The following SLC1A1 variants were observed in gnomAD, a reference collection of about 807,000 sequenced individuals.
SLC1A1 encodes the protein excitatory amino acid transporter 3.
In SLC1A1, 43 loss-of-function variants were observed where a neutral mutation model predicts 53.3. That is an observed-to-expected ratio of 0.81 (90% CI 0.63 to 1.04). The LOEUF is 1.04. SLC1A1 is among the 50% of genes least tolerant of loss of function. The pLI is 0.00. For synonymous variants in SLC1A1, 307 were observed against 243.2 expected, an observed-to-expected ratio of 1.26 and a Z score of -2.44; for missense variants, 748 against 664.9, an observed-to-expected ratio of 1.12 and a Z score of -1.37.
intron 8 of SLC1A1, 75 bp downstream of exon 8, chr9:4,574,089 G>A: frequency 9.7e-7 from 1 of 1,028,104 alleles, no homozygotes. Context: ...TTGGGTTTCA[G>A]TTGGTTAAAA....
chr9:4,494,877 C>T (rs1820359335), intron 1 of SLC1A1, among the ~76,000 whole-genome samples: 1 of 152,222 alleles, frequency 6.6e-6, no homozygotes, highest in African/African-American at 2.4e-5. Flanking sequence ...CCAGTTATGC[C>T]ATTACTTCTG....
chr9:4,567,321 T>G (rs1371096393), intron 5 of SLC1A1, among the ~76,000 whole-genome samples: 1 of 152,246 alleles, frequency 6.6e-6, no homozygotes, highest in African/African-American at 2.4e-5. Context: ...ACAAAAATGA[T>G]TGACAGGAAT....
intron 1 of SLC1A1, among the ~76,000 whole-genome samples, chr9:4,533,022 T>A (rs1320345388): frequency 1.3e-5 from 2 of 152,168 alleles, no homozygotes; most frequent in Non-Finnish European, 2.9e-5. Flanking sequence ...CTGAGAGATT[T>A]TGTCACCACT....
chr9:4,497,539 G>T (rs1445727530), intron 1 of SLC1A1, among the ~76,000 whole-genome samples: 2 of 152,124 alleles, frequency 1.3e-5, no homozygotes, highest in Non-Finnish European at 2.9e-5. Context: ...GTAAAATGTT[G>T]TCCTTGTTTG....
chr9:4,567,321 T>C (rs1371096393), intron 5 of SLC1A1, among the ~76,000 whole-genome samples: 1 of 152,246 alleles, frequency 6.6e-6, no homozygotes, highest in Non-Finnish European at 1.5e-5. Context: ...ACAAAAATGA[T>C]TGACAGGAAT....
chr9:4,564,110 C>T (rs1055796196), intron 3 of SLC1A1, among the ~76,000 whole-genome samples: 18 of 152,138 alleles, frequency 1.2e-4, no homozygotes, highest in African/African-American at 4.3e-4. Flanking sequence ...CACACACAGA[C>T]GCACACGCAC....
chr9:4,536,348 GA>G (rs966835653), intron 1 of SLC1A1, among the ~76,000 whole-genome samples: 2 of 126,752 alleles, frequency 1.6e-5, no homozygotes, highest in Non-Finnish European at 3.6e-5. Context: ...AAATCTACAA[GA>G]AAAAAAAACA....
Position 4,587,217 on chromosome 9 carries a change from C to T in SLC1A1, c.*1659C>T, listed in dbSNP as rs556194672. 6.6e-6 allele frequency: 1 copy of T among 152,414 alleles called. No individual in the cohort carries two copies. The highest frequency in any genetic ancestry group is 2.1e-4 in the South Asian group (1 of 4,806). The allele number at this position is 152,414 out of a possible 1,614,324, so 9.4% of individuals were successfully genotyped here. Reference sequence around the variant, plus strand: ...ATGATTCAATGTGAATTTTAAAATGCAAATATTGCTATTGTTTATAGGAAA... The same window carrying T: ...ATGATTCAATGTGAATTTTAAAATGTAAATATTGCTATTGTTTATAGGAAA... On this transcript the variant is annotated 3_prime_UTR_variant, in exon 12 of 12. Coordinates refer to ENST00000262352, the MANE Select transcript of SLC1A1 (RefSeq NM_004170.6).
chr9:4,542,960 A>G (rs1439711355), intron 1 of SLC1A1, among the ~76,000 whole-genome samples: 2 of 152,228 alleles, frequency 1.3e-5, no homozygotes, highest in Non-Finnish European at 2.9e-5. Flanking sequence ...AGTAGTGTGT[A>G]AACACTACTG....
chr9:4,568,965 A>C (rs1819764036), intron 6 of SLC1A1, among the ~76,000 whole-genome samples: 1 of 152,210 alleles, frequency 6.6e-6, no homozygotes, highest in Non-Finnish European at 1.5e-5. Flanking sequence ...AGGTTCCCAG[A>C]AACTTAACCC....
At chr9:4,544,240 A>T (rs1330350853) in intron 1 of SLC1A1, among the ~76,000 whole-genome samples, 1 of 152,212 alleles carries the variant, frequency 6.6e-6, no homozygotes. Flanking sequence ...TGAATGCAAA[A>T]GAGTTATACT....
chr9:4,563,652 T>G (rs1290940667), intron 3 of SLC1A1, among the ~76,000 whole-genome samples: 1 of 152,226 alleles, frequency 6.6e-6, no homozygotes, highest in Non-Finnish European at 1.5e-5. Flanking sequence ...TGGTCTCTTC[T>G]ACAGCCTCCC....
At chr9:4,493,711 T>C (rs1820317824) in intron 1 of SLC1A1, among the ~76,000 whole-genome samples, 1 of 152,222 alleles carries the variant, frequency 6.6e-6, no homozygotes, top group Non-Finnish European at 1.5e-5. Context: ...GAGACCAGCC[T>C]GATCTCATCT....
chr9:4,537,647 T>C (rs1816729365), intron 1 of SLC1A1, among the ~76,000 whole-genome samples: 1 of 151,312 alleles, frequency 6.6e-6, no homozygotes, highest in African/African-American at 2.4e-5. Flanking sequence ...CTTGAAAACA[T>C]GCTACGTGAA....
At chr9:4,533,708 G>A (rs1247348717) in intron 1 of SLC1A1, among the ~76,000 whole-genome samples, 2 of 152,122 alleles carry the variant, frequency 1.3e-5, no homozygotes, top group Non-Finnish European at 2.9e-5. Flanking sequence ...TCTGCACCAA[G>A]CAGACCTAAC....
intron 6 of SLC1A1, among the ~76,000 whole-genome samples, chr9:4,570,096 C>A (rs1053071224): frequency 7.2e-5 from 11 of 152,192 alleles, no homozygotes; most frequent in Non-Finnish European, 4.4e-5. Context: ...CATGCTTTTT[C>A]TCCTGGCTGC....
At chr9:4,492,098 C>G (rs972519) in intron 1 of SLC1A1, among the ~76,000 whole-genome samples, 135,786 of 152,252 alleles carry the variant, frequency 0.89, 60,661 homozygotes, top group East Asian at 0.94. Flanking sequence ...GAGAGAAGTA[C>G]AGAAGCAAAT....
chr9:4,511,006 A>G (rs1260382054), intron 1 of SLC1A1, among the ~76,000 whole-genome samples: 1 of 152,206 alleles, frequency 6.6e-6, no homozygotes, highest in South Asian at 2.1e-4. Context: ...TTCTTGAGCT[A>G]TTTCCTGAAA....
intron 1 of SLC1A1, among the ~76,000 whole-genome samples, chr9:4,506,854 C>A (rs1301866980): frequency 6.6e-6 from 1 of 152,182 alleles, no homozygotes; most frequent in South Asian, 2.1e-4. Context: ...CTCTTAGAAC[C>A]TCCCCTCATT....
Sources: allele counts gnomAD v4.1 joint callset (sites outside exome capture counted in the v4.1 genomes callset), GRCh38; gene constraint gnomAD v4.1.1; transcripts MANE v1.5; gene names NCBI Gene and HGNC (gene_info 2026-07-23, HGNC 2026-07-21).